NUP133: variants seen among roughly 807,000 people sequenced by gnomAD.
NUP133 encodes nucleoporin 133.
A neutral mutation model predicts 146.2 loss-of-function variants in NUP133; 66 were observed. That is an observed-to-expected ratio of 0.45 (90% CI 0.37 to 0.55). NUP133 has a LOEUF of 0.55. NUP133 is among the 20% of genes least tolerant of loss of function. The pLI is 0.00. For synonymous variants in NUP133, 521 were observed against 498.8 expected, an observed-to-expected ratio of 1.04 and a Z score of -0.59; for missense variants, 1,277 against 1,374.8, an observed-to-expected ratio of 0.93 and a Z score of 1.12.
intron 14 of NUP133, among the ~76,000 whole-genome samples, chr1:229,472,163 C>T (rs1660970762): frequency 6.6e-6 from 1 of 151,644 alleles, no homozygotes; most frequent in Non-Finnish European, 1.5e-5. Context: ...ACTAAAAATA[C>T]AAAAAATTAG....
chr1:229,477,688 A>T lies in NUP133; in HGVS notation c.1665T>A (p.Ser555=). The T allele has an allele frequency of 6.2e-7, 1 of 1,614,054 alleles. No individual in the cohort carries two copies. Residue 555 remains serine, a synonymous_variant, in exon 13 of 26, where the codon TCT becomes TCA. Coordinates refer to ENST00000261396, the MANE Select transcript of NUP133 (RefSeq NM_018230.3). ...FSSHSDLDSD[S]ELDRAVTQIS... ...TTTGGGTAACTGCCCTGTCTAGTTC[A>T]GAATCAGAATCCAAATCAGAGTGAG...
chr1:229,498,388 A>G, intron 5 of NUP133, 82 bp from the exon 6 acceptor site: 2 of 902,978 alleles, frequency 2.2e-6, no homozygotes, highest in South Asian at 2.1e-5. Context: ...ACAGAGAAAA[A>G]TCATCGTAAT....
intron 20 of NUP133, among the ~76,000 whole-genome samples, chr1:229,459,450 GTTAT>G (rs1297597488): frequency 1.3e-5 from 2 of 152,046 alleles, no homozygotes; most frequent in Admixed American, 6.6e-5. Context: ...TTTAAATTGG[GTTAT>G]TTGTCTTCTT....
At chr1:229,476,640 T>G (rs1226018276) in intron 13 of NUP133, among the ~76,000 whole-genome samples, 1 of 152,184 alleles carries the variant, frequency 6.6e-6, no homozygotes, top group Non-Finnish European at 1.5e-5. Context: ...TGGGGGTAAG[T>G]AGGCTGGGTG....
intron 12 of NUP133, among the ~76,000 whole-genome samples, chr1:229,482,869 C>T (rs1357523258): frequency 6.6e-6 from 1 of 152,140 alleles, no homozygotes; most frequent in African/African-American, 2.4e-5. Context: ...GTTGAGGAGA[C>T]ATCACAGGAA....
intron 11 of NUP133, 114 bp downstream of exon 11, chr1:229,486,257 G>A (rs1468516661): frequency 2.2e-6 from 2 of 890,310 alleles, no homozygotes; most frequent in African/African-American, 1.9e-5. Flanking sequence ...AGGAGTTTGG[G>A]GCTGCAATGA....
At position 229,449,005 on chromosome 1, in the gene NUP133, G is replaced by C. The variant is rs2102747064; in HGVS notation, c.3245+121C>G. On this transcript the variant is annotated intron_variant, in intron 24 of 25. Coordinates refer to ENST00000261396, the MANE Select transcript of NUP133 (RefSeq NM_018230.3). ...CAGAACTCACTGGTTGCCCAGTGTA[G>C]GAGGTGGGAAATCCCAACACGTCTG... 9 of 747,464 alleles carry C rather than the reference G, an allele frequency of 1.2e-5. No homozygotes were observed. In the South Asian group the frequency reaches 1.2e-4, roughly 10 times the overall value. 46.3% of individuals were successfully genotyped at this position (747,464 alleles called of 1,614,324 possible). A position where few individuals can be genotyped will look rare whatever the true frequency, so the allele number is the denominator to read the frequency against.
chr1:229,491,925 T>C (rs1195747388), intron 8 of NUP133, among the ~76,000 whole-genome samples: 1 of 152,182 alleles, frequency 6.6e-6, no homozygotes, highest in East Asian at 1.9e-4. Context: ...AACAAACATA[T>C]ATATTTAAAA....
chr1:229,484,023 A>C (rs1172724307), intron 12 of NUP133, 31 bp downstream of exon 12: 1 of 1,483,546 alleles, frequency 6.7e-7, no homozygotes, highest in Admixed American at 1.7e-5. Flanking sequence ...TCACACATAA[A>C]ATAATCCATA....
intron 14 of NUP133, among the ~76,000 whole-genome samples, chr1:229,471,763 A>AT (rs1413805038): frequency 6.6e-6 from 1 of 151,984 alleles, no homozygotes; most frequent in Non-Finnish European, 1.5e-5. Context: ...CTTATCCTTC[A>AT]TTTTCTATAT....
intron 22 of NUP133, 83 bp from the exon 23 acceptor site, chr1:229,450,688 T>A (rs1427637351): frequency 3.2e-6 from 2 of 634,404 alleles, no homozygotes; most frequent in African/African-American, 3.8e-5. Context: ...GAAGTCATTA[T>A]GTCTTGTAAG....
rs964346965 is a variant in NUP133 at position 229,463,451 on chromosome 1, C to G, written c.2685+92G>C. ...AACTACAAAAAGATCGTATCATATT[C>G]CAAAAGCCCTGATTACAGATTTGAA... On this transcript the variant is annotated intron_variant, in intron 19 of 25. Transcript: ENST00000261396. The G allele has an allele frequency of 4.4e-6, 6 of 1,349,916 alleles. No individual in the cohort carries two copies. In the African/African-American group the frequency reaches 9.0e-5, roughly 20 times the overall value. 83.6% of individuals were successfully genotyped at this position (1,349,916 alleles called of 1,614,324 possible).
chr1:229,441,289 C>G lies in NUP133; in HGVS notation c.*615G>C. 1 of 389,370 alleles carries G rather than the reference C, an allele frequency of 2.6e-6. No homozygotes were observed. The highest frequency in any genetic ancestry group is 3.2e-5 in the Admixed American group (1 of 31,564). The allele number at this position is 389,370 out of a possible 1,614,324, so 24.1% of individuals were successfully genotyped here. A position where few individuals can be genotyped will look rare whatever the true frequency, so the allele number is the denominator to read the frequency against. ...TAGAAAACCACATAAACGTTTCATT[C>G]ACTAAAATACTTTCATTAGTGCTCA... On this transcript the variant is annotated 3_prime_UTR_variant, in exon 26 of 26. Coordinates refer to ENST00000261396, the MANE Select transcript of NUP133 (RefSeq NM_018230.3).
At chr1:229,462,193 A>G (rs1269012752) in intron 19 of NUP133, among the ~76,000 whole-genome samples, 1 of 152,210 alleles carries the variant, frequency 6.6e-6, no homozygotes, top group Non-Finnish European at 1.5e-5. Flanking sequence ...CCAACAACTG[A>G]TCTTTGATGA....
rs147026535 is a variant in NUP133, at chr1:229,478,869, T to C, written c.1593-1109A>G. On this transcript the variant is annotated intron_variant, in intron 12 of 25. Transcript: ENST00000261396. ...TGTCCCAAAAGATTGCTCTATCATA[T>C]GGAGAGGGGATCAGATGTCAGATCA... Among the ~76,000 whole-genome samples, 172 of 152,270 alleles carry C rather than the reference T, an allele frequency of 1.1e-3. 1 individual carries two copies. Among genetic ancestry groups the C allele is most frequent in the African/African-American group, 4.0e-3 (167 of 41,556 alleles).
intron 8 of NUP133, 98 bp downstream of exon 8, chr1:229,495,397 A>G: frequency 1.2e-6 from 1 of 810,058 alleles, no homozygotes; most frequent in Admixed American, 2.1e-5. Flanking sequence ...TCTCCAAAGA[A>G]AGAGCACATA....
In NUP133 at chr1:229,487,545, G is replaced by T; in HGVS notation, c.1263C>A (p.Asn421Lys). ...NFSNQTAYLY[N>K]ESAVYVCSTG... is the part of the protein sequence containing the mutation. ...TGGAGCACACATAGACAGCACTTTC[G>T]TTATACAGATAGGCAGTCTGGTTTG... Residue 421 changes from asparagine to lysine, a missense_variant, in exon 10 of 26, where the codon AAC (asparagine) becomes AAA (lysine). Coordinates refer to ENST00000261396, the MANE Select transcript of NUP133 (RefSeq NM_018230.3). 6.2e-7 allele frequency: 1 copy of T among 1,613,678 alleles called. No individual in the cohort carries two copies. The highest frequency in any genetic ancestry group is 8.5e-7 in the Non-Finnish European group (1 of 1,179,768).
Position 229,498,237 on chromosome 1 carries a change from T to C in NUP133, c.718A>G (p.Ile240Val). 1 of 1,612,716 alleles carries C rather than the reference T, an allele frequency of 6.2e-7. No individual in the cohort carries two copies. The highest frequency in any genetic ancestry group is 1.1e-5 in the South Asian group (1 of 90,664). ...CCCTGAGGCAGGATATGCTGATGAATCTTTCCTGAGCTCTCAGGTATCAAC... is the reference window on the plus strand; with the variant it reads ...CCCTGAGGCAGGATATGCTGATGAACCTTTCCTGAGCTCTCAGGTATCAAC... ...IRLIPESSGK[I>V]HQHILPQGQG... The change falls in exon 6 of 26, where the codon ATT becomes GTT. Residue 240 changes from isoleucine (I) to valine (V), a missense_variant. By Grantham distance (29) the Ile-to-Val change is conservative (BLOSUM62 3). Transcript: ENST00000261396.
At chr1:229,449,873 ATTTTTTTTTTT>A (rs71281043) in intron 23 of NUP133, among the ~76,000 whole-genome samples, 2 of 85,798 alleles carry the variant, frequency 2.3e-5, no homozygotes, top group African/African-American at 5.1e-5. Flanking sequence ...ATATATATAT[ATTTTTTTTTTT>A]TTTTTTTTTT....
Sources: allele counts gnomAD v4.1 joint callset (sites outside exome capture counted in the v4.1 genomes callset), GRCh38; gene constraint gnomAD v4.1.1; transcripts MANE v1.5; gene names NCBI Gene and HGNC (gene_info 2026-07-23, HGNC 2026-07-21).